PAN3: variants seen among roughly 807,000 people sequenced by gnomAD.
The protein encoded by PAN3 is PAN2-PAN3 deadenylation complex subunit PAN3.
A neutral mutation model predicts 96.2 loss-of-function variants in PAN3; 19 were observed. The observed-to-expected ratio is 0.20, with a 90% CI of 0.14 to 0.29. PAN3 has a LOEUF of 0.29. PAN3 is among the 10% of genes least tolerant of loss of function. PAN3 has a pLI of 1.00. For missense variants in PAN3, 882 were observed against 1,108.1 expected, an observed-to-expected ratio of 0.80 and a Z score of 2.90; for synonymous variants, 433 against 406.6, an observed-to-expected ratio of 1.06 and a Z score of -0.78.
Position 28,165,097 on chromosome 13 carries a change from G to A in PAN3, c.431-9175G>A, listed in dbSNP as rs181641482. ...TAATTTTTGTATTTTTAGTAGAGAC[G>A]GGGTTTCACCATGTTGGTCAGGCTG... is the stretch of plus-strand genomic sequence containing the variant. On this transcript the variant is annotated intron_variant, in intron 1 of 18. Coordinates refer to ENST00000380958, the MANE Select transcript of PAN3 (RefSeq NM_175854.8). Among the ~76,000 whole-genome samples the A allele has an allele frequency of 3.5e-3, 534 of 152,140 alleles. 2 individuals are homozygous for A. The highest frequency in any genetic ancestry group is 0.012 in the African/African-American group (488 of 41,528).
At chr13:28,260,394 A>C in intron 7 of PAN3, 53 bp from the exon 8 acceptor site, 1 of 1,407,724 alleles carries the variant, frequency 7.1e-7, no homozygotes, top group South Asian at 1.2e-5. Context: ...ACTCCATCTG[A>C]AAAAAAGAAA....
At chr13:28,147,114 T>A (rs1168146247) in intron 1 of PAN3, among the ~76,000 whole-genome samples, 1 of 152,274 alleles carries the variant, frequency 6.6e-6, no homozygotes, top group Non-Finnish European at 1.5e-5. Flanking sequence ...TATATGTTTG[T>A]GTCTCATTTC....
chr13:28,256,412 G>T lies in PAN3; in HGVS notation c.1121G>T (p.Ser374Ile), dbSNP rs768803539. 2 of 1,613,918 alleles carry T rather than the reference G, an allele frequency of 1.2e-6. No homozygotes were observed. Among genetic ancestry groups the T allele is most frequent in the African/African-American group, 2.7e-5 (2 of 74,894 alleles). Residue 374 changes from serine to isoleucine, a missense_variant, in exon 7 of 19, where the codon AGT becomes ATT. This residue lies in a region of PAN3 where 364 missense variants were observed against 513.6 expected (regional missense o/e 0.71). Coordinates refer to ENST00000380958, the MANE Select transcript of PAN3 (RefSeq NM_175854.8). ...CCAGCAAGTTACATGGTGCCTTCTA[G>T]TGCCTCTACATCTGTTAATAATCCT... Reference protein sequence around the residue: ...PNPASYMVPSSASTSVNNPVS... With the variant: ...PNPASYMVPSIASTSVNNPVS...
chr13:28,288,270 T>C, intron 18 of PAN3, 148 bp downstream of exon 18: 1 of 707,834 alleles, frequency 1.4e-6, no homozygotes, highest in South Asian at 2.2e-5. Flanking sequence ...TTTTCTACAA[T>C]GGGAGGATTT....
At chr13:28,157,664 C>T (rs2138009374) in intron 1 of PAN3, among the ~76,000 whole-genome samples, 1 of 152,228 alleles carries the variant, frequency 6.6e-6, no homozygotes, top group African/African-American at 2.4e-5. Flanking sequence ...GGTGAAAGAG[C>T]TCTACAATGA....
chr13:28,141,003 CTTTT>C (rs979248659), intron 1 of PAN3, among the ~76,000 whole-genome samples: 14 of 112,908 alleles, frequency 1.2e-4, no homozygotes, highest in African/African-American at 4.4e-4. Flanking sequence ...GAAAGAGACA[CTTTT>C]TTTTTTTTTT....
chr13:28,230,561 AAAGAGAAAAT>A (rs1882438626), intron 6 of PAN3, among the ~76,000 whole-genome samples: 1 of 152,176 alleles, frequency 6.6e-6, no homozygotes, highest in African/African-American at 2.4e-5. Flanking sequence ...GCAAAAAAAG[AAAGAGAAAAT>A]AAGAGAAAAC....
chr13:28,229,490 C>T (rs897822429), intron 6 of PAN3, among the ~76,000 whole-genome samples: 6 of 152,300 alleles, frequency 3.9e-5, no homozygotes, highest in African/African-American at 1.4e-4. Flanking sequence ...AACCAGAATA[C>T]ACTGACTCTT....
intron 6 of PAN3, 49 bp from the exon 7 acceptor site, chr13:28,256,243 C>T: frequency 2.6e-6 from 4 of 1,565,496 alleles, no homozygotes; most frequent in Middle Eastern, 3.4e-4. Context: ...GACTTGTTCT[C>T]TAAAACCAAT....
intron 5 of PAN3, among the ~76,000 whole-genome samples, chr13:28,198,010 C>G (rs775757472): frequency 6.6e-6 from 1 of 152,038 alleles, no homozygotes; most frequent in Non-Finnish European, 1.5e-5. Flanking sequence ...TGGTGGTGCA[C>G]GCCTGTAATC....
Position 28,142,511 on chromosome 13 carries a change from A to ATTTTTTTTTTTT in PAN3, c.430+3432_430+3443dup, listed in dbSNP as rs74881179. The stretch of plus-strand genomic sequence containing the variant: ...TGTGAGGCAGTTAAAATAGATGGCA[A>ATTTTTTTTTTTT]TTTTTTTTTTTTTTTTTTTGAGACA... On this transcript the variant is annotated intron_variant, in intron 1 of 18. Coordinates refer to ENST00000380958, the MANE Select transcript of PAN3 (RefSeq NM_175854.8). Among the ~76,000 whole-genome samples, 87 of 126,636 alleles carry ATTTTTTTTTTTT rather than the reference A, an allele frequency of 6.9e-4. 1 individual carries two copies. Among genetic ancestry groups the ATTTTTTTTTTTT allele is most frequent in the African/African-American group, 2.3e-3 (70 of 30,908 alleles). 83.1% of individuals were successfully genotyped at this position (126,636 alleles called of 152,430 possible). A position where few individuals can be genotyped will look rare whatever the true frequency, so the allele number is the denominator to read the frequency against.
chr13:28,205,561 G>T (rs1879242237), intron 5 of PAN3, among the ~76,000 whole-genome samples: 1 of 152,054 alleles, frequency 6.6e-6, no homozygotes, highest in Non-Finnish European at 1.5e-5. Flanking sequence ...GTGTGGGCTG[G>T]GTGTGATAAC....
At chr13:28,266,264 T>G (rs1886168465) in intron 9 of PAN3, among the ~76,000 whole-genome samples, 1 of 152,172 alleles carries the variant, frequency 6.6e-6, no homozygotes, top group Non-Finnish European at 1.5e-5. Flanking sequence ...TCATGAGCAT[T>G]CCGAAGTCAT....
At chr13:28,280,868 AGT>A (rs1435154312) in intron 16 of PAN3, among the ~76,000 whole-genome samples, 2 of 152,140 alleles carry the variant, frequency 1.3e-5, no homozygotes, top group African/African-American at 4.8e-5. Flanking sequence ...GCCAGTAAAG[AGT>A]GTAATTAAAA....
intron 6 of PAN3, among the ~76,000 whole-genome samples, chr13:28,254,697 G>A (rs1280859960): frequency 6.6e-6 from 1 of 150,492 alleles, no homozygotes; most frequent in Non-Finnish European, 1.5e-5. Flanking sequence ...ATAGTAATTT[G>A]GCTTCATATT....
chr13:28,223,339 T>C (rs1881600362), intron 6 of PAN3, among the ~76,000 whole-genome samples: 1 of 152,210 alleles, frequency 6.6e-6, no homozygotes, highest in Non-Finnish European at 1.5e-5. Flanking sequence ...AGTTTTGTTA[T>C]GCATATTGAA....
intron 9 of PAN3, among the ~76,000 whole-genome samples, chr13:28,265,146 A>G (rs951083560): frequency 3.7e-4 from 56 of 152,256 alleles, no homozygotes; most frequent in African/African-American, 1.3e-3. Context: ...CATTATACCA[A>G]TCATTCAAAT....
intron 1 of PAN3, among the ~76,000 whole-genome samples, chr13:28,148,857 A>G (rs372291347): frequency 6.6e-6 from 1 of 152,286 alleles, no homozygotes; most frequent in East Asian, 1.9e-4. Flanking sequence ...GGCTGTGTAA[A>G]TATTCCATTA....
At chr13:28,251,730 G>T (rs1433024570) in intron 6 of PAN3, among the ~76,000 whole-genome samples, 1 of 152,058 alleles carries the variant, frequency 6.6e-6, no homozygotes, top group Non-Finnish European at 1.5e-5. Context: ...GTATTCTGTG[G>T]GCTCATGGCC....
Sources: gnomAD v4.1 joint callset for allele counts (sites outside exome capture counted in the v4.1 genomes callset) on GRCh38, gnomAD v4.1.1 for gene constraint, gnomAD v4.1.1 regional missense constraint, MANE v1.5 for transcripts, NCBI Gene and HGNC (gene_info 2026-07-23, HGNC 2026-07-21) for gene names.